Variants in RAD51B observed in about 807,000 individuals in gnomAD.
RAD51B encodes RAD51 paralog B.
Under a neutral mutation model 42.2 loss-of-function variants are expected in RAD51B, and 38 were observed. That is an observed-to-expected ratio of 0.90 (90% CI 0.70 to 1.18). The LOEUF is 1.18. Ranked by LOEUF, RAD51B falls within the 50% of genes most tolerant of loss-of-function variation. RAD51B has a pLI of 0.00. For missense variants in RAD51B, 373 were observed against 400.7 expected, an observed-to-expected ratio of 0.93 and a Z score of 0.59; for synonymous variants, 154 against 145.2, an observed-to-expected ratio of 1.06 and a Z score of -0.43.
At chr14:68,525,990 G>T (rs1886902332) in intron 10 of RAD51B, among the ~76,000 whole-genome samples, 1 of 152,154 alleles carries the variant, frequency 6.6e-6, no homozygotes, top group South Asian at 2.1e-4. Context: ...TAAGAAATTG[G>T]AATTCCTGAG....
intron 7 of RAD51B, among the ~76,000 whole-genome samples, chr14:68,251,960 C>T (rs140018900): frequency 1.3e-5 from 2 of 152,170 alleles, no homozygotes; most frequent in Non-Finnish European, 2.9e-5. Context: ...TTTGGGGAAG[C>T]CTTCATAATT....
At chr14:68,156,509 C>T (rs1250492562) in intron 7 of RAD51B, among the ~76,000 whole-genome samples, 1 of 138,832 alleles carries the variant, frequency 7.2e-6, no homozygotes, top group Non-Finnish European at 1.6e-5. Context: ...CTTTATGAAA[C>T]TGACAGTAGC....
intron 7 of RAD51B, among the ~76,000 whole-genome samples, chr14:67,996,045 A>G (rs1432910008): frequency 3.3e-5 from 5 of 151,770 alleles, no homozygotes; most frequent in Admixed American, 3.3e-4. Context: ...GTAGGGTGGG[A>G]TGGGAGTTTG....
intron 8 of RAD51B, among the ~76,000 whole-genome samples, chr14:68,382,851 A>G (rs1381147673): frequency 6.6e-6 from 1 of 152,230 alleles, no homozygotes; most frequent in Non-Finnish European, 1.5e-5. Context: ...ACTCTTAGCG[A>G]CAAGTGAAAA....
intron 10 of RAD51B, among the ~76,000 whole-genome samples, chr14:68,494,958 T>C (rs1043133040): frequency 2.6e-5 from 4 of 152,210 alleles, no homozygotes; most frequent in African/African-American, 4.8e-5. Flanking sequence ...TCTGACTCGC[T>C]TGTAGATTCC....
intron 10 of RAD51B, among the ~76,000 whole-genome samples, chr14:68,553,083 A>T (rs183044924): frequency 6.6e-6 from 1 of 152,282 alleles, no homozygotes; most frequent in East Asian, 1.9e-4. Flanking sequence ...TCTATCGCAC[A>T]TATTTGTGTT....
intron 10 of RAD51B, among the ~76,000 whole-genome samples, chr14:68,523,870 A>G (rs1023458212): frequency 2.0e-5 from 3 of 152,222 alleles, no homozygotes; most frequent in African/African-American, 7.2e-5. Flanking sequence ...GGTCAAATGT[A>G]TTCCTATAAA....
chr14:68,494,050 C>T (rs1395603237), intron 10 of RAD51B, among the ~76,000 whole-genome samples: 1 of 151,838 alleles, frequency 6.6e-6, no homozygotes, highest in Non-Finnish European at 1.5e-5. Flanking sequence ...CCGAGGGAGG[C>T]GGATCAGTTG....
chr14:68,545,115 T>C (rs2525528), intron 10 of RAD51B, among the ~76,000 whole-genome samples: 152,358 of 152,368 alleles, frequency 1, 76,174 homozygotes, highest in Non-Finnish European at 1. Flanking sequence ...ACTCATGATC[T>C]AGATGAGTTT....
chr14:68,131,752 T>G (rs776334212), intron 7 of RAD51B, among the ~76,000 whole-genome samples: 9 of 152,138 alleles, frequency 5.9e-5, no homozygotes, highest in Non-Finnish European at 1.2e-4. Flanking sequence ...TCTGTTCTGG[T>G]CAGACCACCT....
intron 10 of RAD51B, among the ~76,000 whole-genome samples, chr14:68,619,501 T>G (rs142208782): frequency 7.0e-4 from 107 of 151,940 alleles, no homozygotes; most frequent in Non-Finnish European, 1.1e-3. Context: ...GATAGAGATT[T>G]TAAATAAAGA....
chr14:68,627,602 T>C (rs1281879682), intron 10 of RAD51B, among the ~76,000 whole-genome samples: 2 of 152,074 alleles, frequency 1.3e-5, no homozygotes, highest in Non-Finnish European at 2.9e-5. Context: ...GCACAATAAC[T>C]CACTTCTAAG....
intron 4 of RAD51B, among the ~76,000 whole-genome samples, chr14:67,843,898 G>C (rs549382620): frequency 6.6e-6 from 1 of 151,838 alleles, no homozygotes; most frequent in South Asian, 2.1e-4. Flanking sequence ...TAGCTTTGGG[G>C]TTGGTTTGCT....
At chr14:68,100,257 A>G (rs553145917) in intron 7 of RAD51B, among the ~76,000 whole-genome samples, 6 of 152,330 alleles carry the variant, frequency 3.9e-5, no homozygotes, top group Middle Eastern at 3.4e-3. Flanking sequence ...AAACTATTTT[A>G]TAAGTCATAT....
intron 7 of RAD51B, among the ~76,000 whole-genome samples, chr14:67,924,657 C>T (rs1056578154): frequency 2.6e-5 from 4 of 152,158 alleles, no homozygotes; most frequent in African/African-American, 9.7e-5. Context: ...GAGAACAGCA[C>T]AGGAAATATC....
rs577044069 is a variant in RAD51B, at chr14:67,924,518, G to A, written c.756+37314G>A. Among the ~76,000 whole-genome samples, 132 of 152,284 alleles carry A rather than the reference G, an allele frequency of 8.7e-4. 1 individual carries two copies. The highest frequency in any genetic ancestry group is 2.9e-3 in the African/African-American group (121 of 41,542). On this transcript the variant is annotated intron_variant, in intron 7 of 10. Transcript: ENST00000471583. ...ATAGTTCCACATGGCTGGGGAAGCC[G>A]CACAATCATGGCAGAAGGCAAGGAA...
At chr14:68,421,930 T>A in intron 9 of RAD51B, 1 of 1,569,236 alleles carries the variant, frequency 6.4e-7, no homozygotes, top group Non-Finnish European at 8.8e-7. Context: ...TGCTTTAGGA[T>A]GAAGTTCTCA....
intron 8 of RAD51B, among the ~76,000 whole-genome samples, chr14:68,371,036 C>CAAAAAAAAAAAAAAAAAA (rs75617123): frequency 4.2e-4 from 11 of 26,046 alleles, no homozygotes; most frequent in Non-Finnish European, 4.3e-4. Flanking sequence ...GACTCTGTCT[C>CAAAAAAAAAAAAAAAAAA]AAAAAAAAAA....
chr14:68,178,398 C>A (rs971349694), intron 7 of RAD51B, among the ~76,000 whole-genome samples: 11 of 152,118 alleles, frequency 7.2e-5, no homozygotes, highest in African/African-American at 2.7e-4. Context: ...TGTCATCCTT[C>A]CCCCATGTCT....
Sources: gnomAD v4.1 joint callset for allele counts (sites outside exome capture counted in the v4.1 genomes callset) on GRCh38, gnomAD v4.1.1 for gene constraint, MANE v1.5 for transcripts, NCBI Gene and HGNC (gene_info 2026-07-23, HGNC 2026-07-21) for gene names.